Variants in SERPINB6 observed in about 807,000 individuals in gnomAD.
The protein encoded by SERPINB6 is serpin family B member 6, also known as serpin B6.
In SERPINB6, 16 loss-of-function variants were observed where a neutral mutation model predicts 26.1. The observed-to-expected ratio is 0.61, with a 90% CI of 0.42 to 0.93. The LOEUF is 0.93. Among genes scored for constraint, SERPINB6 ranks in the 40% least tolerant of loss-of-function variants. The probability of loss-of-function intolerance (pLI) is 0.00; values close to 1 mark genes in which losing one functional copy is unlikely to be tolerated. For synonymous variants in SERPINB6, 174 were observed against 176.6 expected (o/e 0.99, Z 0.11); for missense variants, 420 against 478.0 (o/e 0.88, Z 1.13).
Position 2,948,863 on chromosome 6 carries a change from A to AC in SERPINB6, c.729+50dup. On this transcript the variant is annotated intron_variant, in intron 6 of 6. Transcript: ENST00000380539. This position sits in a 1 kb window ranked among gnomAD's most constrained non-coding sequence, Gnocchi z 5.0. ...AGTAGGGACAGCAGCCACAGCAGACACCCCCGAGTGGCTCCTTGCTAGCAC... is the reference window on the plus strand; with the variant it reads ...AGTAGGGACAGCAGCCACAGCAGACACCCCCCGAGTGGCTCCTTGCTAGCAC... 1 of 1,610,802 alleles carries AC rather than the reference A, an allele frequency of 6.2e-7. No homozygotes were observed.
At chr6:2,966,760 C>T in intron 1 of SERPINB6, 1 of 201,150 alleles carries the variant, frequency 5.0e-6, no homozygotes, top group Non-Finnish European at 8.9e-6. Flanking sequence ...TCTTACCAAA[C>T]CATTTTAGAT....
chr6:2,968,904 C>T (rs1007675315), intron 1 of SERPINB6: 5 of 1,226,818 alleles, frequency 4.1e-6, no homozygotes, highest in East Asian at 6.4e-5. Context: ...GTGTGGCTAT[C>T]GGTGGTGTTC....
chr6:2,968,981 G>A (rs1230218096), intron 1 of SERPINB6: 14 of 1,218,596 alleles, frequency 1.1e-5, no homozygotes, highest in Admixed American at 4.3e-5. Context: ...ATCCCCTCAC[G>A]TCCCCACTGC....
intron 1 of SERPINB6, among the ~76,000 whole-genome samples, chr6:2,962,897 A>T (rs934393131): frequency 2.0e-5 from 3 of 152,214 alleles, no homozygotes; most frequent in African/African-American, 7.2e-5. Flanking sequence ...AGCACAGCTG[A>T]TGATAGAACA....
At chr6:2,968,655 G>C (rs183082696) in intron 1 of SERPINB6, 1 of 1,225,542 alleles carries the variant, frequency 8.2e-7, no homozygotes, top group Non-Finnish European at 1.0e-6. Flanking sequence ...ATGGTGGCTG[G>C]TGTTTGCTTT....
At chr6:2,949,345 G>A (rs1325555331) in intron 5 of SERPINB6, among the ~76,000 whole-genome samples, 1 of 152,164 alleles carries the variant, frequency 6.6e-6, no homozygotes, top group Non-Finnish European at 1.5e-5. Flanking sequence ...CCTCCCGCCT[G>A]GGCCTCTGCC....
chr6:2,971,772 T>C (rs1772203189), upstream of SERPINB6: 1 of 152,168 alleles, frequency 6.6e-6, no homozygotes, highest in Non-Finnish European at 1.5e-5. Flanking sequence ...ACCAGCGTGT[T>C]TATGGTGCCT....
At chr6:2,961,758 T>C (rs1485469399) in intron 1 of SERPINB6, 1 of 940,842 alleles carries the variant, frequency 1.1e-6, no homozygotes, top group Admixed American at 6.8e-5. Flanking sequence ...GGCTCCTCCA[T>C]AAACCAAAAA....
chr6:2,958,565 A>C (rs1561681921), intron 2 of SERPINB6, among the ~76,000 whole-genome samples: 3 of 87,452 alleles, frequency 3.4e-5, no homozygotes, highest in Non-Finnish European at 9.0e-5. Flanking sequence ...AGCATGTGGA[A>C]GGCCCCAGCG....
intron 1 of SERPINB6, chr6:2,968,635 TC>T (rs1771851693): frequency 8.2e-7 from 1 of 1,222,826 alleles, no homozygotes; most frequent in Admixed American, 4.3e-5. Context: ...ATCTCTGGGG[TC>T]CTTTTGTTAT....
At chr6:2,955,203 C>CAACA in intron 3 of SERPINB6, 1 of 224,760 alleles carries the variant, frequency 4.4e-6, no homozygotes, top group Non-Finnish European at 8.3e-6. Flanking sequence ...AAAAAAAAAA[C>CAACA]AAAAAAAAAA....
intron 1 of SERPINB6, chr6:2,969,105 A>G (rs1771896594): frequency 3.8e-6 from 4 of 1,053,296 alleles, no homozygotes; most frequent in South Asian, 4.6e-5. Flanking sequence ...TCCAAATCCT[A>G]AAAGGAAAGA....
In SERPINB6 at chr6:2,948,989, G is replaced by C. The variant is rs753496457; in HGVS notation, c.654C>G (p.Ile218Met). ...KTYIGEIFTQ[I>M]LVLPYVGKEL... Reference sequence around the variant, plus strand: ...CCTTGCCAACATATGGAAGCACCAAGATTTGGGTAAATATTTCTCCTATAT... The same window carrying C: ...CCTTGCCAACATATGGAAGCACCAACATTTGGGTAAATATTTCTCCTATAT... Residue 218 changes from isoleucine to methionine, a missense_variant, in exon 6 of 7, where the codon ATC becomes ATG. Physicochemically the swap from Ile to Met is conservative, Grantham distance 10. Coordinates refer to ENST00000380539, the MANE Select transcript of SERPINB6 (RefSeq NM_004568.6). This position sits in a 1 kb window ranked among gnomAD's most constrained non-coding sequence, Gnocchi z 5.0. 6.2e-7 allele frequency: 1 copy of C among 1,614,222 alleles called. No homozygotes were observed. The highest frequency in any genetic ancestry group is 8.5e-7 in the Non-Finnish European group (1 of 1,180,036).
chr6:2,970,936 C>A, intron 1 of SERPINB6: 2 of 1,228,596 alleles, frequency 1.6e-6, no homozygotes, highest in Non-Finnish European at 2.0e-6. Flanking sequence ...CCAAGCCCAG[C>A]ACGGCCAGTC....
At chr6:2,958,579 A>G (rs1561681992) in intron 2 of SERPINB6, among the ~76,000 whole-genome samples, 1 of 151,918 alleles carries the variant, frequency 6.6e-6, no homozygotes, top group Non-Finnish European at 1.5e-5. Context: ...CCCAGCGGAG[A>G]AGGCCACGGA....
chr6:2,970,763 T>C, intron 1 of SERPINB6: 2 of 1,214,032 alleles, frequency 1.6e-6, no homozygotes, highest in Non-Finnish European at 1.0e-6. Context: ...ATAACTTAAA[T>C]GCCAATTTGT....
chr6:2,955,605 G>A lies in SERPINB6; in HGVS notation c.231C>T (p.Thr77=), dbSNP rs571234750. ...DIHQGFQSLL[T]EVNKTGTQYL... is the part of the protein sequence containing the mutation. ...ACTGCGTGCCAGTCTTGTTCACTTC[G>A]GTGAGAAGAGACTGGAAGCCCTGGT... The change falls in exon 3 of 7, where the codon ACC becomes ACT. Residue 77 remains threonine (T), a synonymous_variant. Transcript: ENST00000380539. The A allele has an allele frequency of 1.4e-5, 23 of 1,614,162 alleles. No individual in the cohort carries two copies. The African/African-American group carries it at 1.7e-4, about 12-fold the overall frequency.
chr6:2,952,844 G>A (rs1025780997), intron 5 of SERPINB6, among the ~76,000 whole-genome samples, 200 bp downstream of exon 5: 1 of 152,230 alleles, frequency 6.6e-6, no homozygotes, highest in Admixed American at 6.5e-5. Context: ...GACCTTGATC[G>A]AGCCTGAGGG....
rs1313595006 is a variant in SERPINB6 at position 2,961,830 on chromosome 6, A to T, written c.-10-2488T>A. On this transcript the variant is annotated intron_variant, in intron 1 of 6. Transcript: ENST00000380539. ...GGGGAAGGTCCCACATGCTCCCCCAACCCCATCCTAGACTATTCTACCGTC... is the reference window on the plus strand; with the variant it reads ...GGGGAAGGTCCCACATGCTCCCCCATCCCCATCCTAGACTATTCTACCGTC... The T allele has an allele frequency of 3.0e-6, 3 of 984,244 alleles. No homozygotes were observed. In the East Asian group the frequency reaches 3.4e-4, roughly 112 times the overall value. 61.0% of individuals were successfully genotyped at this position (984,244 alleles called of 1,614,324 possible).
Sources: gnomAD v4.1 joint callset for allele counts (sites outside exome capture counted in the v4.1 genomes callset) on GRCh38, gnomAD v4.1.1 for gene constraint, Gnocchi (gnomAD v3.1) non-coding constraint, MANE v1.5 for transcripts, NCBI Gene and HGNC (gene_info 2026-07-23, HGNC 2026-07-21) for gene names.